DHRS3: variants seen among roughly 807,000 people sequenced by gnomAD.
The protein encoded by DHRS3 is dehydrogenase/reductase 3.
DHRS3 carries 14 observed loss-of-function variants against 27.2 expected under a neutral mutation model. The ratio of observed to expected loss-of-function variants is 0.52; its 90% CI spans 0.34 to 0.81. The LOEUF is 0.81. DHRS3 is among the 30% of genes least tolerant of loss of function. DHRS3 has a pLI of 0.01. For synonymous variants in DHRS3, 165 were observed against 175.9 expected (o/e 0.94, Z 0.49); for missense variants, 322 against 406.2 (o/e 0.79, Z 1.78).
chr1:12,613,930 T>C (rs1393629651), intron 1 of DHRS3, among the ~76,000 whole-genome samples: 1 of 151,848 alleles, frequency 6.6e-6, no homozygotes, highest in African/African-American at 2.4e-5. Flanking sequence ...CCACCAGGCC[T>C]GGATAATTTT....
rs3128463 is a variant in DHRS3 at position 12,615,032 on chromosome 1, A to G, written c.195+2122T>C. Among the ~76,000 whole-genome samples, 702 of 152,070 alleles carry G rather than the reference A, an allele frequency of 4.6e-3. 8 individuals are homozygous for G. Among genetic ancestry groups the G allele is most frequent in the African/African-American group, 0.016 (670 of 41,468 alleles). On this transcript the variant is annotated intron_variant, in intron 1 of 5. Coordinates refer to ENST00000616661, the MANE Select transcript of DHRS3 (RefSeq NM_004753.7). ...CACTTGACCCTTTGTTCCCAACCCC[A>G]CTAGGCCTCAAAACACTCCTGGCTC...
chr1:12,609,739 T>A (rs1463327200), intron 1 of DHRS3, among the ~76,000 whole-genome samples: 1 of 152,176 alleles, frequency 6.6e-6, no homozygotes, highest in African/African-American at 2.4e-5. Context: ...GAGGGCATGA[T>A]GCTTGAGTCG....
chr1:12,579,064 C>T, intron 3 of DHRS3, 108 bp from the exon 4 acceptor site: 1 of 1,261,282 alleles, frequency 7.9e-7, no homozygotes, highest in Non-Finnish European at 1.1e-6. Flanking sequence ...GCTCTAGGGC[C>T]CGAGCCTTCC....
chr1:12,577,249 C>T (rs967917973), intron 4 of DHRS3, among the ~76,000 whole-genome samples: 6 of 152,204 alleles, frequency 3.9e-5, no homozygotes, highest in African/African-American at 1.2e-4. Context: ...AACTGCACAT[C>T]ATTAAAGCGC....
Position 12,586,672 on chromosome 1 carries a change from T to C in DHRS3, c.196-6006A>G, listed in dbSNP as rs961893329. Reference sequence around the variant, plus strand: ...CATCGGGGAATTGACAAGGTAGCCATATCATAATTTTAAAGATAAGGAAAC... The same window carrying C: ...CATCGGGGAATTGACAAGGTAGCCACATCATAATTTTAAAGATAAGGAAAC... On this transcript the variant is annotated intron_variant, in intron 1 of 5. Transcript: ENST00000616661. This position sits in a 1 kb window ranked among gnomAD's most constrained non-coding sequence, Gnocchi z 5.0. 6.6e-6 allele frequency among the ~76,000 whole-genome samples: 1 copy of C among 152,178 alleles called. No homozygotes were observed. Among genetic ancestry groups the C allele is most frequent in the African/African-American group, 2.4e-5 (1 of 41,436 alleles).
chr1:12,614,051 A>G (rs1646927778), intron 1 of DHRS3, among the ~76,000 whole-genome samples: 1 of 152,146 alleles, frequency 6.6e-6, no homozygotes, highest in Non-Finnish European at 1.5e-5. Flanking sequence ...GATTACAGGC[A>G]TGAGCCACTG....
Position 12,574,434 on chromosome 1 carries a change from T to C in DHRS3, c.699-1581A>G, listed in dbSNP as rs1646567932. 6.6e-6 allele frequency among the ~76,000 whole-genome samples: 1 copy of C among 152,202 alleles called. No homozygotes were observed. The highest frequency in any genetic ancestry group is 1.5e-5 in the Non-Finnish European group (1 of 68,028). Reference sequence around the variant, plus strand: ...CCCCTGCCTCAGCCTCCCAAAGCACTGGGATTACTGGTGTGAACCCAGCTA... The same window carrying C: ...CCCCTGCCTCAGCCTCCCAAAGCACCGGGATTACTGGTGTGAACCCAGCTA... On this transcript the variant is annotated intron_variant, in intron 4 of 5. Transcript: ENST00000616661. The surrounding 1 kb of genome is among the most constrained non-coding windows in gnomAD (Gnocchi z 4.6).
At chr1:12,571,246 G>A (rs568907881) in intron 5 of DHRS3, among the ~76,000 whole-genome samples, 1 of 152,342 alleles carries the variant, frequency 6.6e-6, no homozygotes, top group Admixed American at 6.5e-5. Flanking sequence ...AGCCTGGAAA[G>A]TTCTAGGGGA....
At chr1:12,603,363 A>AT (rs1191781188) in intron 1 of DHRS3, among the ~76,000 whole-genome samples, 2 of 152,094 alleles carry the variant, frequency 1.3e-5, no homozygotes, top group African/African-American at 2.4e-5. Flanking sequence ...TTCAAGCCTT[A>AT]TTTTTTTCCT....
intron 1 of DHRS3, among the ~76,000 whole-genome samples, chr1:12,589,453 A>C (rs1646727342): frequency 7.0e-6 from 1 of 143,652 alleles, no homozygotes; most frequent in Non-Finnish European, 1.5e-5. Context: ...CAGTGGCGCG[A>C]TCTCGGCTCA....
In DHRS3 at chr1:12,594,279, C is replaced by A. The variant is rs1480741827; in HGVS notation, c.196-13613G>T. On this transcript the variant is annotated intron_variant, in intron 1 of 5. Transcript: ENST00000616661. The surrounding 1 kb of genome is among the most constrained non-coding windows in gnomAD (Gnocchi z 4.1). ...CTCTTTTAACAACCCTGTCCTGCCT[C>A]ATTCATTCATTCAAGGACTATTTGT... Among the ~76,000 whole-genome samples, 3 of 152,214 alleles carry A rather than the reference C, an allele frequency of 2.0e-5. No homozygotes were observed.
intron 1 of DHRS3, among the ~76,000 whole-genome samples, chr1:12,604,652 T>C (rs1646857779): frequency 6.6e-6 from 1 of 152,160 alleles, no homozygotes; most frequent in East Asian, 1.9e-4. Flanking sequence ...GCTGAGATTA[T>C]TTGTTGCAGT....
intron 1 of DHRS3, among the ~76,000 whole-genome samples, chr1:12,584,878 AGT>A (rs35962425): frequency 0.83 from 125,443 of 151,132 alleles, 52,321 homozygotes; most frequent in South Asian, 0.88. Context: ...TGTCTCTGTA[AGT>A]GTGTGTGTGT....
intron 5 of DHRS3, among the ~76,000 whole-genome samples, chr1:12,569,380 T>A (rs1346661936): frequency 6.6e-6 from 1 of 152,126 alleles, no homozygotes; most frequent in African/African-American, 2.4e-5. Flanking sequence ...CTCATTTTTT[T>A]ATTTTTAATT....
At chr1:12,612,638 T>C (rs1348382366) in intron 1 of DHRS3, among the ~76,000 whole-genome samples, 3 of 152,192 alleles carry the variant, frequency 2.0e-5, no homozygotes, top group African/African-American at 7.2e-5. Context: ...TTCACGCCCA[T>C]CCAGAACTTC....
intron 1 of DHRS3, among the ~76,000 whole-genome samples, chr1:12,596,969 A>G (rs1646802565): frequency 6.6e-6 from 1 of 151,790 alleles, no homozygotes; most frequent in African/African-American, 2.4e-5. Flanking sequence ...GTCTTTGGGG[A>G]TGAATAGTCC....
At chr1:12,611,364 C>T (rs1310830705) in intron 1 of DHRS3, among the ~76,000 whole-genome samples, 1 of 152,200 alleles carries the variant, frequency 6.6e-6, no homozygotes, top group Non-Finnish European at 1.5e-5. Context: ...TTTTGTTTGA[C>T]ATGCTAGTCA....
chr1:12,571,103 G>C (rs1309483767), intron 5 of DHRS3, among the ~76,000 whole-genome samples: 1 of 152,238 alleles, frequency 6.6e-6, no homozygotes, highest in Non-Finnish European at 1.5e-5. Context: ...GGCTCAGTCA[G>C]GAGGGGGCCA....
intron 1 of DHRS3, among the ~76,000 whole-genome samples, chr1:12,597,811 G>C (rs1024532000): frequency 3.9e-5 from 6 of 152,184 alleles, no homozygotes; most frequent in Admixed American, 6.5e-5. Context: ...CAGGGTCCCT[G>C]GTTCAAAAAT....
Sources: gnomAD v4.1 joint callset for allele counts (sites outside exome capture counted in the v4.1 genomes callset) on GRCh38, gnomAD v4.1.1 for gene constraint, Gnocchi (gnomAD v3.1) non-coding constraint, MANE v1.5 for transcripts, NCBI Gene and HGNC (gene_info 2026-07-23, HGNC 2026-07-21) for gene names.